The following SYT16 variants were observed in gnomAD, a reference collection of about 807,000 sequenced individuals.
The protein encoded by SYT16 is synaptotagmin 16, also known as synaptotagmin-16.
A neutral mutation model predicts 61.4 loss-of-function variants in SYT16; 42 were observed. The observed-to-expected ratio is 0.68, with a 90% CI of 0.53 to 0.89. The LOEUF (loss-of-function observed/expected upper bound fraction) is 0.89. Among genes scored for constraint, SYT16 ranks in the 40% least tolerant of loss-of-function variants. SYT16 has a pLI of 0.00. For missense variants in SYT16, 804 were observed against 807.3 expected (o/e 1.00, Z 0.05); for synonymous variants, 314 against 302.3 (o/e 1.04, Z -0.40).
rs547024618 is a variant in SYT16 at position 62,109,465 on chromosome 14, C to T, written c.*8758C>T. 2 of 152,124 alleles carry T rather than the reference C, an allele frequency of 1.3e-5. No individual in the cohort carries two copies. The highest frequency in any genetic ancestry group is 2.1e-4 in the South Asian group (1 of 4,824). 9.4% of individuals were successfully genotyped at this position (152,124 alleles called of 1,614,324 possible). On this transcript the variant is annotated 3_prime_UTR_variant, in exon 8 of 8. Transcript: ENST00000683842. ...ATGGCAAATTTTATTAAAGTGCGTGCTCTCAGGAAAAGCTGCATATATTTT... is the reference window on the plus strand; with the variant it reads ...ATGGCAAATTTTATTAAAGTGCGTGTTCTCAGGAAAAGCTGCATATATTTT...
At chr14:61,930,487 CTGCCT>C (rs1045450139) in intron 1 of SYT16, among the ~76,000 whole-genome samples, 1 of 152,074 alleles carries the variant, frequency 6.6e-6, no homozygotes, top group African/African-American at 2.4e-5. Context: ...TCTGTTGGAA[CTGCCT>C]TCTCCACCCC....
chr14:61,820,469 G>GGTTTTTTTTTTTTT (rs2045578027), intron 1 of SYT16, among the ~76,000 whole-genome samples: 2 of 61,082 alleles, frequency 3.3e-5, no homozygotes, highest in African/African-American at 1.4e-4. Context: ...CCTCTTCAGA[G>GGTTTTTTTTTTTTT]TTTTTTTTTT....
intron 3 of SYT16, among the ~76,000 whole-genome samples, chr14:62,019,005 T>G (rs1333535491): frequency 6.6e-6 from 1 of 152,256 alleles, no homozygotes; most frequent in Non-Finnish European, 1.5e-5. Context: ...TGGTGTACTC[T>G]GTTTCCAAAC....
intron 1 of SYT16, among the ~76,000 whole-genome samples, chr14:61,862,249 C>T (rs184860733): frequency 2.6e-5 from 4 of 152,286 alleles, no homozygotes; most frequent in Non-Finnish European, 5.9e-5. Flanking sequence ...AAAAATTTCC[C>T]TTGTCGCCCA....
At chr14:61,818,938 A>G (rs1594680552) in intron 1 of SYT16, among the ~76,000 whole-genome samples, 1 of 152,206 alleles carries the variant, frequency 6.6e-6, no homozygotes, top group Non-Finnish European at 1.5e-5. Context: ...TTATGGTGGC[A>G]ATATTCTCAA....
intron 1 of SYT16, among the ~76,000 whole-genome samples, chr14:61,924,303 AC>A (rs1328564738): frequency 1.3e-5 from 2 of 152,096 alleles, no homozygotes; most frequent in Non-Finnish European, 2.9e-5. Context: ...GGTATATGAG[AC>A]CTTGGAGCCA....
intron 1 of SYT16, among the ~76,000 whole-genome samples, chr14:61,838,369 A>C (rs1160757106): frequency 3.9e-5 from 6 of 152,158 alleles, no homozygotes; most frequent in Non-Finnish European, 8.8e-5. Context: ...ACATTCCGAC[A>C]TGCTGCTGCT....
chr14:61,977,608 C>G (rs2051872833), intron 2 of SYT16, among the ~76,000 whole-genome samples: 1 of 152,178 alleles, frequency 6.6e-6, no homozygotes, highest in African/African-American at 2.4e-5. Context: ...CACCTGGTCT[C>G]TCCCTTGACA....
intron 2 of SYT16, among the ~76,000 whole-genome samples, chr14:61,985,152 C>A (rs1225893116): frequency 6.6e-6 from 1 of 152,150 alleles, no homozygotes; most frequent in Admixed American, 6.5e-5. Context: ...CCCTAGGAGA[C>A]CTCATTTTGA....
At chr14:61,827,608 A>G (rs992413211) in intron 1 of SYT16, among the ~76,000 whole-genome samples, 1 of 152,210 alleles carries the variant, frequency 6.6e-6, no homozygotes, top group Non-Finnish European at 1.5e-5. Flanking sequence ...CCAAAGGTAC[A>G]TTGCTGGGAC....
rs184102166 is a variant in SYT16 at position 61,934,878 on chromosome 14, G to A, written c.-324-35254G>A. ...AAGTGGACTTGCAATACACTTCCCA[G>A]AGTTTAAAACTTTGTGGCTTGGGTA... On this transcript the variant is annotated intron_variant, in intron 1 of 7. Transcript: ENST00000683842. 1.8e-4 allele frequency among the ~76,000 whole-genome samples: 28 copies of A among 152,310 alleles called. 1 individual carries two copies. The highest frequency in any genetic ancestry group is 6.0e-4 in the African/African-American group (25 of 41,582).
chr14:62,007,693 A>C (rs998339291), intron 3 of SYT16, among the ~76,000 whole-genome samples: 1 of 152,142 alleles, frequency 6.6e-6, no homozygotes, highest in Non-Finnish European at 1.5e-5. Context: ...TTCAATCCTT[A>C]CTTTGACTTC....
At chr14:62,053,560 A>G (rs562352994) in intron 3 of SYT16, among the ~76,000 whole-genome samples, 1 of 152,208 alleles carries the variant, frequency 6.6e-6, no homozygotes, top group Non-Finnish European at 1.5e-5. Context: ...TTCTCTGCAG[A>G]ACCCTAATAC....
intron 7 of SYT16, among the ~76,000 whole-genome samples, chr14:62,085,000 C>A (rs183756826): frequency 1.3e-5 from 2 of 152,318 alleles, no homozygotes; most frequent in African/African-American, 4.8e-5. Context: ...GGAGGCAGAT[C>A]TGGGGCAATG....
chr14:61,836,904 C>A (rs1162721147), intron 1 of SYT16, among the ~76,000 whole-genome samples: 1 of 152,122 alleles, frequency 6.6e-6, no homozygotes, highest in Non-Finnish European at 1.5e-5. Flanking sequence ...GTCATGATTT[C>A]ATGCAAATTT....
rs1454155275 is a variant in SYT16 at position 61,906,699 on chromosome 14, ATCCATCCATCCT to A, written c.-324-63421_-324-63410del. 5.6e-3 allele frequency among the ~76,000 whole-genome samples: 659 copies of A among 116,784 alleles called. 4 individuals carry two copies. Among genetic ancestry groups the A allele is most frequent in the South Asian group, 0.012 (35 of 2,982 alleles). 76.6% of individuals were successfully genotyped at this position (116,784 alleles called of 152,430 possible). A position where few individuals can be genotyped will look rare whatever the true frequency, so the allele number is the denominator to read the frequency against. On this transcript the variant is annotated intron_variant, in intron 1 of 7. Coordinates refer to ENST00000683842, the MANE Select transcript of SYT16 (RefSeq NM_001367656.1). ...CAGCTACACTAACTCAAGATGTACC[ATCCATCCATCCT>A]TCCATCCATCCATCCATCCATCCAT...
intron 3 of SYT16, among the ~76,000 whole-genome samples, chr14:62,005,703 G>A (rs1187673624): frequency 6.6e-6 from 1 of 152,156 alleles, no homozygotes; most frequent in East Asian, 1.9e-4. Context: ...ATAAAGAGAG[G>A]TGTTATACTA....
intron 1 of SYT16, among the ~76,000 whole-genome samples, chr14:61,939,355 C>T (rs1312979494): frequency 6.6e-6 from 1 of 152,168 alleles, no homozygotes; most frequent in Non-Finnish European, 1.5e-5. Flanking sequence ...CTGTGCACAC[C>T]TACAGTTTAC....
At chr14:62,072,439 G>T (rs576657922) in intron 4 of SYT16, among the ~76,000 whole-genome samples, 1 of 152,298 alleles carries the variant, frequency 6.6e-6, no homozygotes, top group Non-Finnish European at 1.5e-5. Context: ...TGGGAAGGTG[G>T]TGGCTGGCTA....
Sources: gnomAD v4.1 joint callset for allele counts (sites outside exome capture counted in the v4.1 genomes callset) on GRCh38, gnomAD v4.1.1 for gene constraint, MANE v1.5 for transcripts, NCBI Gene and HGNC (gene_info 2026-07-23, HGNC 2026-07-21) for gene names.